The following PXT1 variants were observed in gnomAD, a reference collection of about 807,000 sequenced individuals.
PXT1 encodes peroxisomal testis enriched protein 1, also known as peroxisomal testis-specific protein 1.
A neutral mutation model predicts 11.0 loss-of-function variants in PXT1; 11 were observed. The observed-to-expected ratio is 1.00, with a 90% CI of 0.63 to 1.66. The LOEUF (loss-of-function observed/expected upper bound fraction) is 1.66. PXT1 is among the 40% of genes most tolerant of loss of function. The pLI is 0.00. For missense variants in PXT1, 141 were observed against 155.5 expected (o/e 0.91, Z 0.49); for synonymous variants, 43 against 51.4 (o/e 0.84, Z 0.70).
intron 1 of PXT1, among the ~76,000 whole-genome samples, chr6:36,441,266 T>G (rs1305690214): frequency 6.6e-6 from 1 of 152,188 alleles, no homozygotes; most frequent in Non-Finnish European, 1.5e-5. Context: ...TTTATAAAAA[T>G]GGAAATAAAG....
intron 2 of PXT1, among the ~76,000 whole-genome samples, chr6:36,428,341 A>G (rs921871174): frequency 2.0e-5 from 3 of 149,512 alleles, no homozygotes; most frequent in Non-Finnish European, 4.4e-5. Context: ...GCTACTCGGG[A>G]GGCTGAGGCA....
chr6:36,437,670 T>C (rs1291465445), intron 2 of PXT1, among the ~76,000 whole-genome samples: 1 of 147,542 alleles, frequency 6.8e-6, no homozygotes, highest in Non-Finnish European at 1.5e-5. Context: ...CCCGCCACCA[T>C]GCCTGGCTAA....
At chr6:36,406,640 G>A (rs376663175) in intron 3 of PXT1, among the ~76,000 whole-genome samples, 15 of 151,974 alleles carry the variant, frequency 9.9e-5, no homozygotes, top group African/African-American at 3.1e-4. Context: ...GTGAAACCCC[G>A]TCTCTACTAA....
At chr6:36,418,183 G>A (rs1022522015) in intron 3 of PXT1, among the ~76,000 whole-genome samples, 25 of 151,090 alleles carry the variant, frequency 1.7e-4, no homozygotes, top group African/African-American at 4.1e-4. Flanking sequence ...GCGACAGAGC[G>A]AGACTCCGTC....
chr6:36,408,106 A>T (rs1197878983), intron 3 of PXT1, among the ~76,000 whole-genome samples: 1 of 147,868 alleles, frequency 6.8e-6, no homozygotes, highest in African/African-American at 2.5e-5. Flanking sequence ...GGATTACAGG[A>T]GCCTGCCACC....
intron 4 of PXT1, among the ~76,000 whole-genome samples, chr6:36,395,310 A>G (rs930365450): frequency 6.6e-6 from 1 of 152,188 alleles, no homozygotes; most frequent in Non-Finnish European, 1.5e-5. Flanking sequence ...CTTTAAATAC[A>G]TCAATGGCAG....
At chr6:36,441,661 A>AGCCT (rs1774868689) in intron 1 of PXT1, among the ~76,000 whole-genome samples, 1 of 152,220 alleles carries the variant, frequency 6.6e-6, no homozygotes, top group Non-Finnish European at 1.5e-5. Flanking sequence ...GCAGCCTCAC[A>AGCCT]GCCTAGTCCA....
At chr6:36,407,667 A>G (rs1016047806) in intron 3 of PXT1, among the ~76,000 whole-genome samples, 1 of 151,856 alleles carries the variant, frequency 6.6e-6, no homozygotes, top group African/African-American at 2.4e-5. Flanking sequence ...CCGCGTCCAA[A>G]GTGTGTGATA....
At chr6:36,409,862 G>GAAGGAAGGAAGGAGAA (rs34985544) in intron 3 of PXT1, among the ~76,000 whole-genome samples, 31 of 143,650 alleles carry the variant, frequency 2.2e-4, no homozygotes, top group African/African-American at 8.1e-4. Context: ...AGGAAGGAAG[G>GAAGGAAGGAAGGAGAA]AGAAAGAAAA....
At chr6:36,420,919 G>A (rs1774514641) in intron 3 of PXT1, among the ~76,000 whole-genome samples, 1 of 152,014 alleles carries the variant, frequency 6.6e-6, no homozygotes, top group Admixed American at 6.6e-5. Context: ...GCCGGGCATG[G>A]TGGTGTGCGC....
At chr6:36,421,422 C>T (rs1055842541) in intron 3 of PXT1, among the ~76,000 whole-genome samples, 5 of 152,306 alleles carry the variant, frequency 3.3e-5, no homozygotes, top group Admixed American at 3.3e-4. Context: ...GATCGCGCCA[C>T]TGCACTTCAG....
intron 2 of PXT1, among the ~76,000 whole-genome samples, chr6:36,430,493 A>G (rs1020114235): frequency 6.6e-6 from 1 of 152,202 alleles, no homozygotes; most frequent in African/African-American, 2.4e-5. Flanking sequence ...AGATTCACAG[A>G]AAGAAATGTG....
chr6:36,412,550 C>T (rs536239589), intron 3 of PXT1, among the ~76,000 whole-genome samples: 1 of 152,016 alleles, frequency 6.6e-6, no homozygotes, highest in South Asian at 2.1e-4. Context: ...GTCCCAGCTA[C>T]TCGGGAGGCT....
chr6:36,424,849 A>C (rs1184208503), intron 3 of PXT1, among the ~76,000 whole-genome samples: 1 of 152,056 alleles, frequency 6.6e-6, no homozygotes, highest in African/African-American at 2.4e-5. Flanking sequence ...TACAAAAATT[A>C]GCCGGGCATG....
intron 2 of PXT1, among the ~76,000 whole-genome samples, chr6:36,428,169 G>A (rs577343358): frequency 8.5e-5 from 13 of 152,288 alleles, no homozygotes; most frequent in African/African-American, 2.6e-4. Flanking sequence ...ATTCCTGGCC[G>A]GGCGCGGTGG....
intron 3 of PXT1, among the ~76,000 whole-genome samples, chr6:36,416,705 A>G (rs912620561): frequency 3.3e-5 from 5 of 152,366 alleles, no homozygotes; most frequent in African/African-American, 9.6e-5. Flanking sequence ...CCTGTATTAT[A>G]TAAATGTCAG....
At chr6:36,412,342 ACT>A (rs1485314064) in intron 3 of PXT1, among the ~76,000 whole-genome samples, 13 of 148,186 alleles carry the variant, frequency 8.8e-5, no homozygotes. Flanking sequence ...ACAGAGTGAG[ACT>A]CTGTCTCAAA....
chr6:36,402,115 C>A (rs1237590271), intron 3 of PXT1, among the ~76,000 whole-genome samples: 2 of 152,024 alleles, frequency 1.3e-5, no homozygotes, highest in Admixed American at 6.6e-5. Flanking sequence ...CTATGCCCAG[C>A]CCCATTTAAT....
At position 36,391,876 on chromosome 6, in the gene PXT1, T is replaced by C. The variant is rs1395878242; in HGVS notation, c.301-2A>G. On this transcript the variant is annotated splice_acceptor_variant, in intron 4 of 4. Coordinates refer to ENST00000454782, the MANE Select transcript of PXT1 (RefSeq NM_152990.4). LOFTEE classifies it high-confidence loss of function. ...ATCTCTGCCATCCTGTTGAAGATCC[T>C]ATTTGAAAAAAGGGAGACACAGAGA... 7 of 1,574,644 alleles carry C rather than the reference T, an allele frequency of 4.4e-6. No individual in the cohort carries two copies. In the Admixed American group the frequency reaches 1.3e-4, roughly 29 times the overall value.
Sources: gnomAD v4.1 joint callset for allele counts (sites outside exome capture counted in the v4.1 genomes callset) on GRCh38, gnomAD v4.1.1 for gene constraint, MANE v1.5 for transcripts, NCBI Gene and HGNC (gene_info 2026-07-23, HGNC 2026-07-21) for gene names.